The following EYA4 variants were observed in gnomAD, a reference collection of about 807,000 sequenced individuals.
The protein encoded by EYA4 is EYA transcriptional coactivator and phosphatase 4.
EYA4 carries 31 observed loss-of-function variants against 87.9 expected under a neutral mutation model. The ratio of observed to expected loss-of-function variants is 0.35; its 90% CI spans 0.27 to 0.48. EYA4 has a LOEUF of 0.48. EYA4 is among the 20% of genes least tolerant of loss of function. The pLI is 0.99. For synonymous variants in EYA4, 263 were observed against 270.6 expected (o/e 0.97, Z 0.28); for missense variants, 678 against 761.4 (o/e 0.89, Z 1.29).
At chr6:133,294,096 T>C (rs1401366968) in intron 2 of EYA4, among the ~76,000 whole-genome samples, 2 of 133,306 alleles carry the variant, frequency 1.5e-5, no homozygotes, top group Non-Finnish European at 3.2e-5. Context: ...CTACTGTAGA[T>C]ATATATTTTA....
chr6:133,444,742 A>T (rs1792640457), intron 3 of EYA4, among the ~76,000 whole-genome samples: 1 of 152,230 alleles, frequency 6.6e-6, no homozygotes, highest in Non-Finnish European at 1.5e-5. Flanking sequence ...GGAACTCAGT[A>T]GAAAGCTACC....
In EYA4 at chr6:133,446,677, G is replaced by A. The variant is rs886039161; in HGVS notation, c.131G>A (p.Gly44Asp). 1.9e-6 allele frequency: 3 copies of A among 1,613,562 alleles called. No individual in the cohort carries two copies. The highest frequency in any genetic ancestry group is 2.5e-6 in the Non-Finnish European group (3 of 1,179,522). Residue 44 changes from glycine to aspartate, a missense_variant, in exon 4 of 20, where the codon GGT (glycine) becomes GAT (aspartate). Transcript: ENST00000355286. Reference protein sequence around the residue: ...DLASPHTLVGGGDTPGSSKLE... With the variant: ...DLASPHTLVGDGDTPGSSKLE... ...GCAAGTCCTCATACTCTTGTTGGAG[G>A]TGGTGATACTCCAGGTAGCTCCAAA...
At chr6:133,477,847 T>C (rs529329266) in intron 11 of EYA4, among the ~76,000 whole-genome samples, 3 of 151,440 alleles carry the variant, frequency 2.0e-5, no homozygotes, top group East Asian at 2.0e-4. Flanking sequence ...TATATATATA[T>C]ACACACATAA....
intron 6 of EYA4, among the ~76,000 whole-genome samples, chr6:133,459,819 G>C (rs1794221260): frequency 6.6e-6 from 1 of 151,932 alleles, no homozygotes; most frequent in Non-Finnish European, 1.5e-5. Flanking sequence ...TTAAATTCTG[G>C]TTGCTGAAAA....
At chr6:133,508,339 G>T (rs1255593494) in intron 14 of EYA4, among the ~76,000 whole-genome samples, 1 of 143,698 alleles carries the variant, frequency 7.0e-6, no homozygotes, top group Non-Finnish European at 1.5e-5. Flanking sequence ...AATACAGAAT[G>T]ATTTTATATA....
At chr6:133,313,807 A>G (rs17301754) in intron 2 of EYA4, among the ~76,000 whole-genome samples, 66,474 of 151,938 alleles carry the variant, frequency 0.44, 15,244 homozygotes, top group Non-Finnish European at 0.52. Context: ...TCATTTCATT[A>G]TTGTATTTAA....
rs2128830578 is a variant in EYA4, at chr6:133,530,730, G to A, written c.*1925G>A. The A allele has an allele frequency of 4.1e-6, 4 of 985,824 alleles. No individual in the cohort carries two copies. Among genetic ancestry groups the A allele is most frequent in the Non-Finnish European group, 4.8e-6 (4 of 829,846 alleles). The allele number at this position is 985,824 out of a possible 1,614,324, so 61.1% of individuals were successfully genotyped here. The stretch of plus-strand genomic sequence containing the variant: ...TGAGATCCCAATTTTGTACAAGATT[G>A]TGATTTCATTATCTAAACCTTAAAC... On this transcript the variant is annotated 3_prime_UTR_variant, in exon 20 of 20. Transcript: ENST00000355286.
At chr6:133,376,188 C>T (rs1785668443) in intron 2 of EYA4, among the ~76,000 whole-genome samples, 1 of 151,786 alleles carries the variant, frequency 6.6e-6, no homozygotes, top group Non-Finnish European at 1.5e-5. Context: ...ATTTTTCTAT[C>T]TGCTTATCCA....
At chr6:133,480,559 G>C (rs1249627253) in intron 11 of EYA4, among the ~76,000 whole-genome samples, 1 of 151,982 alleles carries the variant, frequency 6.6e-6, no homozygotes, top group African/African-American at 2.4e-5. Context: ...CAAAGACTTA[G>C]TATGAAAAAG....
At chr6:133,414,442 T>C (rs1789526135) in intron 3 of EYA4, among the ~76,000 whole-genome samples, 1 of 152,248 alleles carries the variant, frequency 6.6e-6, no homozygotes, top group Non-Finnish European at 1.5e-5. Context: ...AATTTTCTAC[T>C]GATTTGATGT....
At chr6:133,420,159 T>A (rs1453393316) in intron 3 of EYA4, among the ~76,000 whole-genome samples, 1 of 152,060 alleles carries the variant, frequency 6.6e-6, no homozygotes, top group Non-Finnish European at 1.5e-5. Flanking sequence ...CATACCTTAT[T>A]ATGCAGAAAT....
At chr6:133,416,424 C>A (rs924921832) in intron 3 of EYA4, among the ~76,000 whole-genome samples, 3 of 152,044 alleles carry the variant, frequency 2.0e-5, no homozygotes, top group African/African-American at 7.2e-5. Context: ...TTCCTGAAGT[C>A]AATTAATAAC....
At chr6:133,323,072 C>CAGTGTG (rs1301964063) in intron 2 of EYA4, among the ~76,000 whole-genome samples, 1 of 108,504 alleles carries the variant, frequency 9.2e-6, no homozygotes, top group Non-Finnish European at 2.2e-5. Flanking sequence ...AGTATAAAAT[C>CAGTGTG]CGTGTGTGTG....
intron 14 of EYA4, chr6:133,511,639 T>A (rs958481988): frequency 2.0e-5 from 3 of 152,212 alleles, no homozygotes; most frequent in East Asian, 1.9e-4. Context: ...CTTATCCACA[T>A]AAGTTACCAT....
At chr6:133,306,763 GAATAA>G (rs1409527515) in intron 2 of EYA4, among the ~76,000 whole-genome samples, 1 of 151,884 alleles carries the variant, frequency 6.6e-6, no homozygotes, top group African/African-American at 2.4e-5. Context: ...CAAATATAAG[GAATAA>G]AATATGTCTT....
chr6:133,412,865 G>T (rs1789360817), intron 3 of EYA4, among the ~76,000 whole-genome samples: 1 of 152,090 alleles, frequency 6.6e-6, no homozygotes, highest in African/African-American at 2.4e-5. Flanking sequence ...TCCTTTGGTG[G>T]GTTTGAAGTG....
intron 3 of EYA4, among the ~76,000 whole-genome samples, chr6:133,391,187 GT>G: frequency 6.8e-6 from 1 of 147,296 alleles, no homozygotes; most frequent in Non-Finnish European, 1.5e-5. Flanking sequence ...GAAAAAGGAA[GT>G]TTTAGTATCT....
intron 5 of EYA4, among the ~76,000 whole-genome samples, chr6:133,452,303 T>C (rs1793526531): frequency 6.6e-6 from 1 of 152,152 alleles, no homozygotes; most frequent in Admixed American, 6.5e-5. Context: ...CACCTTAAAC[T>C]GGTGCACACA....
At chr6:133,401,573 G>T (rs1029380426) in intron 3 of EYA4, among the ~76,000 whole-genome samples, 1 of 152,078 alleles carries the variant, frequency 6.6e-6, no homozygotes, top group Non-Finnish European at 1.5e-5. Flanking sequence ...ATAGCCCTTA[G>T]ATGCAAAAAG....
Sources: gnomAD v4.1 joint callset for allele counts (sites outside exome capture counted in the v4.1 genomes callset) on GRCh38, gnomAD v4.1.1 for gene constraint, MANE v1.5 for transcripts, NCBI Gene and HGNC (gene_info 2026-07-23, HGNC 2026-07-21) for gene names.